GPC1: variants seen among roughly 807,000 people sequenced by gnomAD.
GPC1 encodes glypican-1.
In GPC1, 26 loss-of-function variants were observed where a neutral mutation model predicts 51.5. The observed-to-expected ratio is 0.50, with a 90% confidence interval of 0.37 to 0.70. The LOEUF is 0.70. GPC1 is among the 30% of genes least tolerant of loss of function. The pLI is 0.00. For missense variants in GPC1, 775 were observed against 800.5 expected (o/e 0.97, Z 0.38); for synonymous variants, 380 against 348.3 (o/e 1.09, Z -1.01).
At position 240,435,993 on chromosome 2, in the gene GPC1, G is replaced by A; in HGVS notation, c.75G>A (p.Pro25=). The change falls in exon 1 of 9, where the codon CCG becomes CCA. Residue 25 remains proline, a synonymous_variant. Coordinates refer to ENST00000264039, the MANE Select transcript of GPC1 (RefSeq NM_002081.3). ...TGGTCGCCTGCGCCCGCGGGGACCC[G>A]GCCAGCAAGAGCCGGAGCTGCGGCG... ...AALVACARGD[P]ASKSRSCGEV... is the part of the protein sequence containing the mutation. The A allele has an allele frequency of 7.2e-7, 1 of 1,380,514 alleles. No individual in the cohort carries two copies. The highest frequency in any genetic ancestry group is 1.7e-5 in the South Asian group (1 of 58,940). 85.5% of individuals were successfully genotyped at this position (1,380,514 alleles called of 1,614,324 possible).
chr2:240,454,036 G>A (rs1354684700), intron 1 of GPC1, among the ~76,000 whole-genome samples: 2 of 151,984 alleles, frequency 1.3e-5, no homozygotes, highest in South Asian at 2.1e-4. Context: ...GCTCCTTGGC[G>A]ACGCTGTCAT....
chr2:240,446,181 C>T (rs1014185211), intron 1 of GPC1, among the ~76,000 whole-genome samples: 5 of 152,202 alleles, frequency 3.3e-5, no homozygotes, highest in Non-Finnish European at 5.9e-5. Flanking sequence ...GCCTAGGGTC[C>T]GAAACGGGGG....
chr2:240,459,014 T>A lies in GPC1; in HGVS notation c.167-16T>A. 6.2e-7 allele frequency: 1 copy of A among 1,611,030 alleles called. No individual in the cohort carries two copies. Among genetic ancestry groups the A allele is most frequent in the East Asian group, 2.2e-5 (1 of 44,846 alleles). The stretch of plus-strand genomic sequence containing the variant: ...CTGTCCCAGCCCCTCTCCCTCACAC[T>A]GGCCTTTCCCCACAGGTGAGCACCT... On this transcript the variant is annotated splice_polypyrimidine_tract_variant and intron_variant, in intron 1 of 8. Transcript: ENST00000264039.
intron 1 of GPC1, among the ~76,000 whole-genome samples, chr2:240,457,044 G>C (rs909056826): frequency 6.6e-6 from 1 of 152,170 alleles, no homozygotes; most frequent in African/African-American, 2.4e-5. Flanking sequence ...GTAAGGAGGG[G>C]CGGGGGGCGC....
intron 1 of GPC1, among the ~76,000 whole-genome samples, chr2:240,445,268 TCAGA>T (rs2074041784): frequency 6.6e-6 from 1 of 152,020 alleles, no homozygotes; most frequent in South Asian, 2.1e-4. Context: ...TGGCTGCAGG[TCAGA>T]CAGATACCTG....
At chr2:240,457,279 C>T (rs945761023) in intron 1 of GPC1, among the ~76,000 whole-genome samples, 1 of 152,188 alleles carries the variant, frequency 6.6e-6, no homozygotes, top group Non-Finnish European at 1.5e-5. Flanking sequence ...TCTCCCAGGC[C>T]CCTCTGACAA....
intron 4 of GPC1, chr2:240,463,750 G>C: frequency 1.8e-6 from 1 of 557,992 alleles, no homozygotes; most frequent in South Asian, 2.3e-5. Context: ...TGGGGTCATA[G>C]TTTCTTGTCC....
At chr2:240,453,136 C>T in intron 1 of GPC1, 1 of 262,440 alleles carries the variant, frequency 3.8e-6, no homozygotes, top group Non-Finnish European at 7.5e-6. Context: ...CTCGTCCCCA[C>T]CGCCTCTGTC....
rs1174391943 is a variant in GPC1, at chr2:240,466,285, C to T, written c.1672C>T (p.Arg558Trp). Residue 558 changes from arginine (R) to tryptophan (W), a missense_variant, in exon 9 of 9, where the codon CGG (arginine) becomes TGG (tryptophan). Physicochemically the swap from Arg to Trp is moderately radical, Grantham distance 101. Coordinates refer to ENST00000264039, the MANE Select transcript of GPC1 (RefSeq NM_002081.3). ...LALTVARPRW[R>W] The stretch of plus-strand genomic sequence containing the variant: ...CCTTACAGTAGCCAGGCCCCGGTGG[C>T]GGTAACTGCCCCAAGGCCCCAGGGA... 8.3e-6 allele frequency: 13 copies of T among 1,561,366 alleles called. No homozygotes were observed. Among genetic ancestry groups the T allele is most frequent in the Middle Eastern group, 1.7e-4 (1 of 5,964 alleles).
chr2:240,456,679 C>T (rs1191828135), intron 1 of GPC1: 4 of 464,640 alleles, frequency 8.6e-6, no homozygotes, highest in Admixed American at 4.7e-5. Flanking sequence ...CCCACACCCT[C>T]GGAGAGACGC....
At chr2:240,444,796 G>T (rs1181804795) in intron 1 of GPC1, among the ~76,000 whole-genome samples, 1 of 152,182 alleles carries the variant, frequency 6.6e-6, no homozygotes, top group Non-Finnish European at 1.5e-5. Flanking sequence ...GGTGACTGGG[G>T]CTCCCTGTGG....
In GPC1 at chr2:240,436,032, C is replaced by G; in HGVS notation, c.114C>G (p.Ile38Met). ...GGAGCTGCGGCGAGGTCCGCCAGATCTACGGAGCCAAGGGCTTCAGCCTGA... is the reference window on the plus strand; with the variant it reads ...GGAGCTGCGGCGAGGTCCGCCAGATGTACGGAGCCAAGGGCTTCAGCCTGA... ...KSRSCGEVRQIYGAKGFSLSD... is the reference protein window; with the variant it reads ...KSRSCGEVRQMYGAKGFSLSD... Residue 38 changes from isoleucine to methionine, a missense_variant, in exon 1 of 9, where the codon ATC becomes ATG. Coordinates refer to ENST00000264039, the MANE Select transcript of GPC1 (RefSeq NM_002081.3). 1 of 1,385,932 alleles carries G rather than the reference C, an allele frequency of 7.2e-7. No individual in the cohort carries two copies. Among genetic ancestry groups the G allele is most frequent in the Non-Finnish European group, 9.4e-7 (1 of 1,067,468 alleles). 85.9% of individuals were successfully genotyped at this position (1,385,932 alleles called of 1,614,324 possible). A position where few individuals can be genotyped will look rare whatever the true frequency, so the allele number is the denominator to read the frequency against.
intron 1 of GPC1, chr2:240,449,794 G>GTT (rs1404015674): frequency 2.1e-6 from 1 of 466,214 alleles, no homozygotes; most frequent in African/African-American, 2.0e-5. Context: ...CATAAGTCGA[G>GTT]TCTTGCCGTA....
intron 1 of GPC1, among the ~76,000 whole-genome samples, chr2:240,437,168 G>A (rs943399994): frequency 7.9e-5 from 12 of 152,156 alleles, no homozygotes; most frequent in Non-Finnish European, 5.9e-5. Context: ...GGGACTCAGC[G>A]CAGAAATGCC....
intron 1 of GPC1, among the ~76,000 whole-genome samples, chr2:240,445,953 G>A (rs2074047499): frequency 6.6e-6 from 1 of 152,206 alleles, no homozygotes; most frequent in African/African-American, 2.4e-5. Context: ...TCACATTCTG[G>A]TAACTGCTGT....
At chr2:240,462,060 T>C (rs2074220406) in intron 2 of GPC1, 131 bp from the exon 3 acceptor site, 2 of 875,640 alleles carry the variant, frequency 2.3e-6, no homozygotes, top group East Asian at 5.4e-5. Context: ...GCCGCTGCAG[T>C]GTGGCGTCCG....
chr2:240,464,180 G>A (rs540741518), intron 4 of GPC1: 64 of 232,686 alleles, frequency 2.8e-4, no homozygotes, highest in African/African-American at 1.1e-3. Context: ...CACCGTGCAC[G>A]CAACACACAC....
chr2:240,459,252 T>C (rs1265157109), intron 2 of GPC1, 64 bp downstream of exon 2: 7 of 1,459,304 alleles, frequency 4.8e-6, no homozygotes, highest in African/African-American at 1.4e-5. Context: ...AGGGGCACAC[T>C]GGGCCTTGCC....
Position 240,466,177 on chromosome 2 carries a change from T to C in GPC1, c.1564T>C (p.Ser522Pro), listed in dbSNP as rs1227623675. 5 of 1,612,502 alleles carry C rather than the reference T, an allele frequency of 3.1e-6. No homozygotes were observed. In the African/African-American group the frequency reaches 6.7e-5, roughly 22 times the overall value. Residue 522 changes from serine to proline, a missense_variant, in exon 9 of 9, where the codon TCA becomes CCA. Transcript: ENST00000264039. ...TPLTHALPGL[S>P]EQEGQKTSAA... ...CTTGACCCATGCCCTCCCAGGCCTG[T>C]CAGAGCAGGAAGGACAGAAGACCTC...
Sources: gnomAD v4.1 joint callset for allele counts (sites outside exome capture counted in the v4.1 genomes callset) on GRCh38, gnomAD v4.1.1 for gene constraint, MANE v1.5 for transcripts, NCBI Gene and HGNC (gene_info 2026-07-23, HGNC 2026-07-21) for gene names.